The following CNTNAP5 variants were observed in gnomAD, a reference collection of about 807,000 sequenced individuals.
CNTNAP5 encodes the protein contactin-associated protein-like 5.
Under a neutral mutation model 150.2 loss-of-function variants are expected in CNTNAP5, and 72 were observed. The ratio of observed to expected loss-of-function variants is 0.48; its 90% CI spans 0.40 to 0.58. CNTNAP5 has a LOEUF of 0.58. Ranked by LOEUF, CNTNAP5 falls within the 20% of genes least tolerant of loss-of-function variation. The pLI is 0.00. For missense variants in CNTNAP5, 1,636 were observed against 1,626.2 expected (o/e 1.01, Z -0.10); for synonymous variants, 672 against 619.8 (o/e 1.08, Z -1.25).
intron 1 of CNTNAP5, among the ~76,000 whole-genome samples, chr2:124,199,476 C>A (rs1347924396): frequency 8.3e-6 from 1 of 121,006 alleles, no homozygotes; most frequent in Non-Finnish European, 1.6e-5. Flanking sequence ...AGTGCAATAA[C>A]ATGATCTCAG....
At chr2:124,445,939 A>C (rs1692803073) in intron 5 of CNTNAP5, among the ~76,000 whole-genome samples, 1 of 152,156 alleles carries the variant, frequency 6.6e-6, no homozygotes. Flanking sequence ...GACTTCCATA[A>C]AATTGAGAGA....
intron 13 of CNTNAP5, among the ~76,000 whole-genome samples, chr2:124,710,882 G>A (rs1679791768): frequency 6.6e-6 from 1 of 152,130 alleles, no homozygotes; most frequent in African/African-American, 2.4e-5. Context: ...GTTTTCCACT[G>A]CTTCTCTCCT....
chr2:124,684,235 G>A (rs1281482436), intron 13 of CNTNAP5, among the ~76,000 whole-genome samples: 1 of 152,142 alleles, frequency 6.6e-6, no homozygotes, highest in African/African-American at 2.4e-5. Context: ...CCAGCGGAGT[G>A]CTGTTAACAT....
chr2:124,554,662 T>C (rs1216147770), intron 10 of CNTNAP5, among the ~76,000 whole-genome samples: 3 of 152,092 alleles, frequency 2.0e-5, no homozygotes, highest in African/African-American at 7.2e-5. Context: ...CCTCAAGCAA[T>C]CCTCCTGCCT....
At chr2:124,557,815 G>A (rs893164747) in intron 10 of CNTNAP5, among the ~76,000 whole-genome samples, 1 of 152,134 alleles carries the variant, frequency 6.6e-6, no homozygotes, top group Non-Finnish European at 1.5e-5. Flanking sequence ...GCTGAGACAT[G>A]GGGCATGTGG....
At chr2:124,185,141 T>C (rs928196604) in intron 1 of CNTNAP5, among the ~76,000 whole-genome samples, 1 of 152,230 alleles carries the variant, frequency 6.6e-6, no homozygotes, top group African/African-American at 2.4e-5. Context: ...CTTAGTTTCC[T>C]TATTAAAATT....
intron 13 of CNTNAP5, among the ~76,000 whole-genome samples, chr2:124,658,500 A>C (rs1678506024): frequency 6.6e-6 from 1 of 152,228 alleles, no homozygotes; most frequent in East Asian, 1.9e-4. Flanking sequence ...CAAACCAAAA[A>C]AAAAAAAAAG....
chr2:124,597,731 C>T (rs1350631885), intron 11 of CNTNAP5, among the ~76,000 whole-genome samples: 2 of 151,920 alleles, frequency 1.3e-5, no homozygotes, highest in Non-Finnish European at 2.9e-5. Flanking sequence ...TAATATCCTG[C>T]AGAGTGTTTT....
At chr2:124,776,854 GT>G (rs904610825) in intron 17 of CNTNAP5, among the ~76,000 whole-genome samples, 17 of 151,982 alleles carry the variant, frequency 1.1e-4, no homozygotes, top group Non-Finnish European at 1.6e-4. Context: ...AGAAATAATT[GT>G]TTTTTTAACA....
intron 5 of CNTNAP5, 43 bp from the exon 6 acceptor site, chr2:124,446,710 C>G: frequency 1.3e-6 from 2 of 1,591,164 alleles, no homozygotes; most frequent in East Asian, 2.2e-5. Context: ...GCAAAGCTGC[C>G]CTTGGACACA....
chr2:124,428,742 C>T (rs1014615503), intron 4 of CNTNAP5, among the ~76,000 whole-genome samples: 4 of 151,348 alleles, frequency 2.6e-5, no homozygotes, highest in African/African-American at 9.7e-5. Context: ...TTCAGGGCTA[C>T]TAAGAACATT....
intron 7 of CNTNAP5, among the ~76,000 whole-genome samples, chr2:124,490,598 A>T (rs1044496835): frequency 6.6e-6 from 1 of 152,168 alleles, no homozygotes; most frequent in Admixed American, 6.5e-5. Flanking sequence ...AACTATCATT[A>T]CTATTATAAT....
At chr2:124,146,972 G>A (rs537638964) in intron 1 of CNTNAP5, among the ~76,000 whole-genome samples, 1 of 152,070 alleles carries the variant, frequency 6.6e-6, no homozygotes, top group Non-Finnish European at 1.5e-5. Context: ...GCTGGGGTTG[G>A]GGGGAGACAA....
At chr2:124,706,946 G>GA (rs1679675433) in intron 13 of CNTNAP5, among the ~76,000 whole-genome samples, 1 of 102,958 alleles carries the variant, frequency 9.7e-6, no homozygotes, top group Non-Finnish European at 2.1e-5. Context: ...GAAGAAGGAG[G>GA]AGGAGGAGGA....
chr2:124,662,914 G>A (rs1433043719), intron 13 of CNTNAP5, among the ~76,000 whole-genome samples: 1 of 152,112 alleles, frequency 6.6e-6, no homozygotes, highest in African/African-American at 2.4e-5. Flanking sequence ...TCTTTATGGA[G>A]GAAACACTTA....
At chr2:124,031,292 C>A (rs948527155) in intron 1 of CNTNAP5, among the ~76,000 whole-genome samples, 3 of 152,068 alleles carry the variant, frequency 2.0e-5, no homozygotes, top group Non-Finnish European at 4.4e-5. Flanking sequence ...AGTCTATATT[C>A]AATGCGTAAA....
chr2:124,687,613 A>G (rs1679218314), intron 13 of CNTNAP5, among the ~76,000 whole-genome samples: 1 of 152,022 alleles, frequency 6.6e-6, no homozygotes, highest in African/African-American at 2.4e-5. Flanking sequence ...TTCTATATTC[A>G]GAAAGGATGG....
intron 3 of CNTNAP5, among the ~76,000 whole-genome samples, chr2:124,314,193 A>C (rs1052882259): frequency 6.6e-6 from 1 of 152,184 alleles, no homozygotes; most frequent in African/African-American, 2.4e-5. Flanking sequence ...GGCAACATGC[A>C]ATCTCGTACT....
chr2:124,234,270 T>A (rs889916205), intron 2 of CNTNAP5, among the ~76,000 whole-genome samples: 1 of 152,194 alleles, frequency 6.6e-6, no homozygotes, highest in Non-Finnish European at 1.5e-5. Flanking sequence ...TGTATTGATT[T>A]GCCAAGTTAA....
Sources: gnomAD v4.1 joint callset for allele counts (sites outside exome capture counted in the v4.1 genomes callset) on GRCh38, gnomAD v4.1.1 for gene constraint, MANE v1.5 for transcripts, NCBI Gene and HGNC (gene_info 2026-07-23, HGNC 2026-07-21) for gene names.